The following PCDH15 variants were observed in gnomAD, a reference collection of about 807,000 sequenced individuals.
PCDH15 encodes the protein protocadherin related 15.
Under a neutral mutation model 178.5 loss-of-function variants are expected in PCDH15, and 129 were observed. The observed-to-expected ratio is 0.72, with a 90% CI of 0.63 to 0.84. PCDH15 has a LOEUF of 0.84. Ranked by LOEUF, PCDH15 falls within the 40% of genes least tolerant of loss-of-function variation. The pLI, the probability that PCDH15 is intolerant of heterozygous loss-of-function variation, is 0.00. For synonymous variants in PCDH15, 800 were observed against 732.0 expected (o/e 1.09, Z -1.50); for missense variants, 2,230 against 2,099.9 (o/e 1.06, Z -1.21).
chr10:54,297,030 G>T (rs2059840073), intron 8 of PCDH15, among the ~76,000 whole-genome samples: 1 of 152,082 alleles, frequency 6.6e-6, no homozygotes, highest in Non-Finnish European at 1.5e-5. Flanking sequence ...CTGCTGTGTT[G>T]GTGAGCGCAA....
chr10:54,570,039 GGT>G (rs10535144), intron 2 of PCDH15, among the ~76,000 whole-genome samples: 149,613 of 150,822 alleles, frequency 0.99, 74,209 homozygotes, highest in South Asian at 1. Context: ...TACAATTAGG[GGT>G]GTGTGTGTGT....
At chr10:54,456,298 T>G (rs1303713716) in intron 3 of PCDH15, among the ~76,000 whole-genome samples, 1 of 152,142 alleles carries the variant, frequency 6.6e-6, no homozygotes. Context: ...TGCCCAAGGC[T>G]GTGGGAGCTC....
intron 13 of PCDH15, among the ~76,000 whole-genome samples, chr10:54,183,125 G>T (rs2048152413): frequency 6.6e-6 from 1 of 152,060 alleles, no homozygotes; most frequent in Non-Finnish European, 1.5e-5. Context: ...GGGATTACAG[G>T]CATGCGCCAC....
chr10:55,248,711 A>G (rs1263831721), intron 1 of PCDH15, among the ~76,000 whole-genome samples: 3 of 151,794 alleles, frequency 2.0e-5, no homozygotes, highest in Non-Finnish European at 4.4e-5. Flanking sequence ...CCTGTGCCAA[A>G]ATGCCCTGTT....
chr10:55,156,536 T>A (rs991288800), intron 2 of PCDH15, among the ~76,000 whole-genome samples: 1 of 152,122 alleles, frequency 6.6e-6, no homozygotes, highest in Non-Finnish European at 1.5e-5. Flanking sequence ...CATGGGAGAA[T>A]CTGTCTTTAT....
intron 2 of PCDH15, among the ~76,000 whole-genome samples, chr10:54,536,896 T>A (rs2084594939): frequency 6.6e-6 from 1 of 152,230 alleles, no homozygotes; most frequent in East Asian, 1.9e-4. Context: ...TCCAATTCAC[T>A]GTTGACGGGC....
At chr10:54,824,662 G>A (rs1349933635) in intron 3 of PCDH15, among the ~76,000 whole-genome samples, 1 of 152,094 alleles carries the variant, frequency 6.6e-6, no homozygotes, top group African/African-American at 2.4e-5. Context: ...AAATGACAGA[G>A]CATTCCCCAG....
intron 2 of PCDH15, among the ~76,000 whole-genome samples, chr10:55,577,263 A>G (rs768235954): frequency 6.0e-4 from 92 of 152,122 alleles, no homozygotes; most frequent in Non-Finnish European, 1.1e-3. Context: ...AAAGGAAACA[A>G]AAGAGAAGTG....
At chr10:55,336,975 G>A (rs761500181) in intron 2 of PCDH15, among the ~76,000 whole-genome samples, 1 of 152,078 alleles carries the variant, frequency 6.6e-6, no homozygotes, top group Non-Finnish European at 1.5e-5. Flanking sequence ...CTACCCACTA[G>A]ATGCCAATAG....
chr10:54,560,497 C>T (rs897263763), intron 2 of PCDH15, among the ~76,000 whole-genome samples: 4 of 151,674 alleles, frequency 2.6e-5, no homozygotes, highest in African/African-American at 9.7e-5. Flanking sequence ...TTTTTATGTA[C>T]AACACTTTGT....
At chr10:53,834,724 T>C (rs1055682596) in intron 29 of PCDH15, among the ~76,000 whole-genome samples, 4 of 152,214 alleles carry the variant, frequency 2.6e-5, no homozygotes, top group Non-Finnish European at 4.4e-5. Flanking sequence ...CAAACATGTA[T>C]TTCTGCCTCC....
At position 53,804,667 on chromosome 10, in the gene PCDH15, ATAT is replaced by A. The variant is rs1362458165; in HGVS notation, c.*1909_*1911del. 6.6e-6 allele frequency: 1 copy of A among 152,012 alleles called. No homozygotes were observed. Among genetic ancestry groups the A allele is most frequent in the Non-Finnish European group, 1.5e-5 (1 of 67,928 alleles). The allele number at this position is 152,012 out of a possible 1,614,324, so 9.4% of individuals were successfully genotyped here. On this transcript the variant is annotated 3_prime_UTR_variant, in exon 38 of 38. Transcript: ENST00000644397. ...GAGATGATCTGGGGGTATCAAGATA[ATAT>A]TAAATTATATTCGATGACCTCTGAT... is the stretch of plus-strand genomic sequence containing the variant.
intron 2 of PCDH15, among the ~76,000 whole-genome samples, chr10:55,416,594 A>T (rs184686850): frequency 1.7e-4 from 26 of 151,832 alleles, no homozygotes; most frequent in African/African-American, 6.3e-4. Context: ...AGAAAAGCAT[A>T]TGGAGCAATT....
chr10:55,166,358 T>C (rs184507621), intron 2 of PCDH15, among the ~76,000 whole-genome samples: 1 of 152,296 alleles, frequency 6.6e-6, no homozygotes. Context: ...TTCACTTCTC[T>C]AGGGAAAGAC....
Position 54,938,505 on chromosome 10 carries a change from A to C in PCDH15, c.-79-41005T>G, listed in dbSNP as rs138471573. Among the ~76,000 whole-genome samples, 369 of 152,184 alleles carry C rather than the reference A, an allele frequency of 2.4e-3. 2 individuals are homozygous for C. Among genetic ancestry groups the C allele is most frequent in the African/African-American group, 8.3e-3 (344 of 41,532 alleles). On this transcript the variant is annotated intron_variant, in intron 2 of 5. Coordinates refer to the PCDH15 transcript ENST00000458638. ...AAAATTGTTGGGGAGAATTGGTATT[A>C]ATTTTTTCTTAAATATTTGTCATAA...
At chr10:54,080,929 A>C (rs2094428200) in intron 16 of PCDH15, among the ~76,000 whole-genome samples, 1 of 152,216 alleles carries the variant, frequency 6.6e-6, no homozygotes, top group South Asian at 2.1e-4. Context: ...GTATCTTAAG[A>C]AACAGGAAAG....
chr10:53,974,699 T>C (rs941549337), intron 21 of PCDH15, among the ~76,000 whole-genome samples: 1 of 152,198 alleles, frequency 6.6e-6, no homozygotes, highest in Non-Finnish European at 1.5e-5. Context: ...CATTCTTCTA[T>C]TTAGCTGATT....
intron 1 of PCDH15, among the ~76,000 whole-genome samples, chr10:55,223,093 C>T (rs572100026): frequency 6.6e-6 from 1 of 152,032 alleles, no homozygotes; most frequent in Non-Finnish European, 1.5e-5. Flanking sequence ...ATGGCCCCAT[C>T]AGGCTTGTGC....
At chr10:54,623,471 T>C (rs1001331496) in intron 2 of PCDH15, among the ~76,000 whole-genome samples, 5 of 152,178 alleles carry the variant, frequency 3.3e-5, no homozygotes, top group Non-Finnish European at 5.9e-5. Context: ...AGTGGATTTT[T>C]ATAAATAATG....
Sources: gnomAD v4.1 joint callset for allele counts (sites outside exome capture counted in the v4.1 genomes callset) on GRCh38, gnomAD v4.1.1 for gene constraint, MANE v1.5 for transcripts, NCBI Gene and HGNC (gene_info 2026-07-23, HGNC 2026-07-21) for gene names.